Variants in SARDH observed in about 807,000 individuals in gnomAD.
SARDH encodes the protein sarcosine dehydrogenase, also known as sarcosine dehydrogenase, mitochondrial.
Under a neutral mutation model 109.1 loss-of-function variants are expected in SARDH, and 95 were observed. That is an observed-to-expected ratio of 0.87 (90% CI 0.74 to 1.03). The LOEUF is 1.03. Among genes scored for constraint, SARDH ranks in the 50% least tolerant of loss-of-function variants. The probability of loss-of-function intolerance (pLI) is 0.00; values close to 1 mark genes in which losing one functional copy is unlikely to be tolerated. For missense variants in SARDH, 1,267 were observed against 1,287.8 expected (o/e 0.98, Z 0.25); for synonymous variants, 572 against 534.8 (o/e 1.07, Z -0.96).
chr9:133,690,714 T>C (rs1831060885), intron 15 of SARDH, among the ~76,000 whole-genome samples, 187 bp from the exon 16 acceptor site: 1 of 152,044 alleles, frequency 6.6e-6, no homozygotes, highest in Non-Finnish European at 1.5e-5. Context: ...CAGAGTATCC[T>C]CTGAGCCATG....
intron 16 of SARDH, among the ~76,000 whole-genome samples, chr9:133,687,143 G>A (rs129958): frequency 0.023 from 3,558 of 152,268 alleles, 121 homozygotes; most frequent in African/African-American, 0.067. Flanking sequence ...GTGATGCCAC[G>A]GGCCACTGTG....
chr9:133,687,809 G>C (rs1207701581), intron 16 of SARDH, among the ~76,000 whole-genome samples: 3 of 152,194 alleles, frequency 2.0e-5, no homozygotes, highest in Non-Finnish European at 2.9e-5. Context: ...TTCCGAAAGT[G>C]CAGCCTTTAT....
At chr9:133,664,986 G>A (rs1830011898) in intron 20 of SARDH, among the ~76,000 whole-genome samples, 1 of 152,146 alleles carries the variant, frequency 6.6e-6, no homozygotes, top group Non-Finnish European at 1.5e-5. Context: ...TCCCATCAAT[G>A]AGCAGGTTTC....
chr9:133,730,014 G>C (rs1338611371), intron 5 of SARDH, 50 bp downstream of exon 5: 2 of 1,610,128 alleles, frequency 1.2e-6, no homozygotes, highest in Non-Finnish European at 1.7e-6. Flanking sequence ...AGCAGGTTTA[G>C]GGAGCAGCCA....
intron 8 of SARDH, among the ~76,000 whole-genome samples, chr9:133,714,922 T>A (rs12341880): frequency 0.071 from 10,838 of 152,236 alleles, 814 homozygotes; most frequent in African/African-American, 0.19. Context: ...GGGAGCGCTA[T>A]CAAGAGCTAG....
rs1048843229 is a variant in SARDH, at chr9:133,709,722, T to A, written c.1329-1294A>T. ...GCTCCAGTGCAGGCTCAGAGCTGAG[T>A]GCTGCTGTGGGAGGAAATCCCTCTC... On this transcript the variant is annotated intron_variant, in intron 10 of 20. Transcript: ENST00000439388. This position sits in a 1 kb window ranked among gnomAD's most constrained non-coding sequence, Gnocchi z 4.2. 2.0e-5 allele frequency among the ~76,000 whole-genome samples: 3 copies of A among 152,138 alleles called. No homozygotes were observed. Among genetic ancestry groups the A allele is most frequent in the Non-Finnish European group, 4.4e-5 (3 of 68,028 alleles).
At chr9:133,702,605 G>A (rs1184798323) in intron 13 of SARDH, among the ~76,000 whole-genome samples, 2 of 152,208 alleles carry the variant, frequency 1.3e-5, no homozygotes, top group African/African-American at 2.4e-5. Context: ...AGCGGGAGGC[G>A]GAGGCTCAGA....
rs1347179950 is a variant in SARDH at position 133,671,583 on chromosome 9, G to T, written c.2278C>A (p.Leu760Ile). 1.9e-6 allele frequency: 3 copies of T among 1,607,620 alleles called. No individual in the cohort carries two copies. The highest frequency in any genetic ancestry group is 2.2e-5 in the South Asian group (2 of 89,832). The change falls in exon 18 of 21, where the codon CTC (leucine) becomes ATC (isoleucine). Residue 760 changes from leucine to isoleucine, a missense_variant. By Grantham distance (5) the Leu-to-Ile change is conservative. Coordinates refer to ENST00000439388, the MANE Select transcript of SARDH (RefSeq NM_001134707.2). ...ATGGCGCGGTACCCTGCGTTGATGA[G>T]GCCGTGCTTGGCACCCGCGGCCATC... ...AVMAAGAKHG[L>I]INAGYRAIDS...
intron 6 of SARDH, among the ~76,000 whole-genome samples, chr9:133,720,034 C>T (rs2131471153): frequency 6.6e-6 from 1 of 152,066 alleles, no homozygotes; most frequent in African/African-American, 2.4e-5. Flanking sequence ...TGCGTGAACC[C>T]AGAACGTGGT....
chr9:133,717,343 G>T lies in SARDH; in HGVS notation c.1133C>A (p.Ser378Tyr). ...VPVLEKTGIK[S>Y]TVCGPESFTP... Reference sequence around the variant, plus strand: ...TCACTCACCAGGGCCGCAGACCGTGGACTTGATTCCTGTCTTCTCCAGCAC... The same window carrying T: ...TCACTCACCAGGGCCGCAGACCGTGTACTTGATTCCTGTCTTCTCCAGCAC... Residue 378 changes from serine to tyrosine, a missense_variant, in exon 8 of 21, where the codon TCC (serine) becomes TAC (tyrosine). Transcript: ENST00000439388. 5 of 1,614,086 alleles carry T rather than the reference G, an allele frequency of 3.1e-6. No individual in the cohort carries two copies. The highest frequency in any genetic ancestry group is 4.2e-6 in the Non-Finnish European group (5 of 1,179,986).
chr9:133,694,459 C>T (rs1300309552), intron 14 of SARDH, 88 bp from the exon 15 acceptor site: 2 of 1,079,318 alleles, frequency 1.9e-6, no homozygotes, highest in Non-Finnish European at 2.8e-6. Flanking sequence ...CTCACAGGGG[C>T]AGCTCCTTGT....
In SARDH at chr9:133,674,441, G is replaced by C. The variant is rs538370134; in HGVS notation, c.2164-2744C>G. On this transcript the variant is annotated intron_variant, in intron 17 of 20. Coordinates refer to ENST00000439388, the MANE Select transcript of SARDH (RefSeq NM_001134707.2). The stretch of plus-strand genomic sequence containing the variant: ...GATGGAACTCCTGGCCGTGGATGGA[G>C]TCACAGAATTATGGAAGATCAGCAG... Among the ~76,000 whole-genome samples, 36 of 152,384 alleles carry C rather than the reference G, an allele frequency of 2.4e-4. No individual in the cohort carries two copies. The South Asian group carries it at 6.6e-3, about 28-fold the overall frequency.
chr9:133,713,355 C>T (rs1293183805), intron 8 of SARDH, among the ~76,000 whole-genome samples: 1 of 152,188 alleles, frequency 6.6e-6, no homozygotes, highest in Non-Finnish European at 1.5e-5. Flanking sequence ...CTGACGGCGA[C>T]CTGGCTGGGT....
intron 19 of SARDH, among the ~76,000 whole-genome samples, chr9:133,667,911 C>T (rs921806057): frequency 5.3e-5 from 8 of 152,160 alleles, no homozygotes; most frequent in Admixed American, 3.9e-4. Context: ...CAGGGCTGTT[C>T]TCTGTGACTC....
chr9:133,691,696 G>A (rs542631136), intron 15 of SARDH, among the ~76,000 whole-genome samples: 22 of 152,174 alleles, frequency 1.4e-4, no homozygotes, highest in Non-Finnish European at 2.2e-4. Flanking sequence ...ACATTCTCTC[G>A]GCTCCGTGGT....
chr9:133,720,947 C>T (rs1282673786), intron 6 of SARDH, among the ~76,000 whole-genome samples: 1 of 152,146 alleles, frequency 6.6e-6, no homozygotes, highest in African/African-American at 2.4e-5. Context: ...CCAGATAAGG[C>T]TGGGGCCATC....
In SARDH at chr9:133,708,282, G is replaced by A. The variant is rs373058786; in HGVS notation, c.1470+5C>T. 5.0e-5 allele frequency: 81 copies of A among 1,611,286 alleles called. No individual in the cohort carries two copies. In the African/African-American group the frequency reaches 6.7e-4, roughly 13 times the overall value. On this transcript the variant is annotated splice_donor_5th_base_variant and intron_variant, in intron 11 of 20. Transcript: ENST00000439388. ...AGTCCCCAGCAGGAGCTGTAGGGGC[G>A]TTACCTCGTGCAGCGGGTCTCTCCT...
rs943965586 is a variant in SARDH at position 133,712,320 on chromosome 9, C to G, written c.1328+299G>C. Among the ~76,000 whole-genome samples, 19 of 152,164 alleles carry G rather than the reference C, an allele frequency of 1.2e-4. No homozygotes were observed. The highest frequency in any genetic ancestry group is 1.1e-3 in the Admixed American group (17 of 15,286). On this transcript the variant is annotated intron_variant, in intron 10 of 20. Coordinates refer to ENST00000439388, the MANE Select transcript of SARDH (RefSeq NM_001134707.2). The surrounding 1 kb of genome is among the most constrained non-coding windows in gnomAD (Gnocchi z 4.1). ...CTCCCTCCTGCCCCCAGGCCTCAGT[C>G]TCCCCATCTGTGAGGTGGGGTGATG...
chr9:133,708,772 T>C (rs1831802543), intron 10 of SARDH, among the ~76,000 whole-genome samples: 1 of 152,104 alleles, frequency 6.6e-6, no homozygotes, highest in East Asian at 1.9e-4. Flanking sequence ...GGGGTGCCCC[T>C]ACATGACTGG....
Sources: allele counts gnomAD v4.1 joint callset (sites outside exome capture counted in the v4.1 genomes callset), GRCh38; gene constraint gnomAD v4.1.1; non-coding constraint Gnocchi (gnomAD v3.1); transcripts MANE v1.5; gene names NCBI Gene and HGNC (gene_info 2026-07-23, HGNC 2026-07-21).